ADGRB3: variants seen among roughly 807,000 people sequenced by gnomAD.
The protein encoded by ADGRB3 is brain-specific angiogenesis inhibitor 3.
Under a neutral mutation model 193.4 loss-of-function variants are expected in ADGRB3, and 37 were observed. The ratio of observed to expected loss-of-function variants is 0.19; its 90% CI spans 0.15 to 0.25. The LOEUF (loss-of-function observed/expected upper bound fraction) is 0.25, where lower values mean the gene tolerates loss of function less well. Among genes scored for constraint, ADGRB3 ranks in the 10% least tolerant of loss-of-function variants. The probability of loss-of-function intolerance (pLI) is 1.00; values close to 1 mark genes in which losing one functional copy is unlikely to be tolerated. For synonymous variants in ADGRB3, 690 were observed against 644.2 expected, an observed-to-expected ratio of 1.07 and a Z score of -1.08; for missense variants, 1,637 against 1,852.9, an observed-to-expected ratio of 0.88 and a Z score of 2.14.
At position 69,189,903 on chromosome 6, in the gene ADGRB3, A is replaced by T. The variant is rs148739548; in HGVS notation, c.2481-43387A>T. On this transcript the variant is annotated intron_variant, in intron 17 of 31. Coordinates refer to ENST00000370598, the MANE Select transcript of ADGRB3 (RefSeq NM_001704.3). ...ACTACATATACAATGGTGGCCTAGT[A>T]ATATTATAATAGAGCTAAAAAATCC... is the stretch of plus-strand genomic sequence containing the variant. Among the ~76,000 whole-genome samples the T allele has an allele frequency of 7.5e-4, 114 of 152,296 alleles. 1 individual carries two copies. In the East Asian group the frequency reaches 0.02, roughly 27 times the overall value.
chr6:68,965,212 T>C (rs1157910555), intron 8 of ADGRB3, among the ~76,000 whole-genome samples: 1 of 152,220 alleles, frequency 6.6e-6, no homozygotes. Context: ...AGGAATGCTG[T>C]TATGAAACAC....
At chr6:68,974,237 T>C (rs1768673504) in intron 8 of ADGRB3, among the ~76,000 whole-genome samples, 1 of 152,170 alleles carries the variant, frequency 6.6e-6, no homozygotes, top group African/African-American at 2.4e-5. Context: ...CTATAAATAG[T>C]CTACACAGTA....
chr6:68,800,722 A>C (rs1178631183), intron 3 of ADGRB3, among the ~76,000 whole-genome samples: 2 of 151,586 alleles, frequency 1.3e-5, no homozygotes, highest in Admixed American at 1.3e-4. Flanking sequence ...GGGTTTTAAA[A>C]ATTAACAGCA....
chr6:68,839,008 T>A (rs1050606252), intron 3 of ADGRB3, among the ~76,000 whole-genome samples: 33 of 152,180 alleles, frequency 2.2e-4, no homozygotes, highest in African/African-American at 7.5e-4. Flanking sequence ...TTACATGACC[T>A]GAGAGGAACA....
intron 4 of ADGRB3, 49 bp from the exon 5 acceptor site, chr6:68,936,470 A>G (rs1767488591): frequency 6.4e-7 from 1 of 1,565,766 alleles, no homozygotes; most frequent in Non-Finnish European, 8.7e-7. Context: ...TGCTTACTAG[A>G]TGAATACTTA....
chr6:68,965,656 G>A (rs1293605133), intron 8 of ADGRB3, among the ~76,000 whole-genome samples: 1 of 151,996 alleles, frequency 6.6e-6, no homozygotes, highest in Non-Finnish European at 1.5e-5. Flanking sequence ...TACTTTAAGG[G>A]GCATGCTAAC....
intron 3 of ADGRB3, among the ~76,000 whole-genome samples, chr6:68,649,967 C>G (rs1265290205): frequency 6.6e-6 from 1 of 152,164 alleles, no homozygotes; most frequent in Non-Finnish European, 1.5e-5. Context: ...GGGCACTGAA[C>G]TATCTTTCCT....
At chr6:69,305,717 G>C (rs1768054615) in intron 20 of ADGRB3, among the ~76,000 whole-genome samples, 3 of 151,198 alleles carry the variant, frequency 2.0e-5, no homozygotes, top group African/African-American at 7.3e-5. Context: ...TCAGGCTCAT[G>C]GAAATAATCC....
intron 3 of ADGRB3, among the ~76,000 whole-genome samples, chr6:68,749,652 T>C (rs2127346450): frequency 6.6e-6 from 1 of 152,212 alleles, no homozygotes; most frequent in East Asian, 1.9e-4. Flanking sequence ...TAAATCACCA[T>C]AGTTTAATCA....
chr6:69,207,070 G>T (rs1012612786), intron 17 of ADGRB3, among the ~76,000 whole-genome samples: 1 of 152,116 alleles, frequency 6.6e-6, no homozygotes, highest in Non-Finnish European at 1.5e-5. Context: ...GGTCATTCAC[G>T]CCAGCCAACA....
intron 17 of ADGRB3, among the ~76,000 whole-genome samples, chr6:69,126,348 A>G (rs572170967): frequency 6.6e-6 from 1 of 152,256 alleles, no homozygotes; most frequent in African/African-American, 2.4e-5. Context: ...AGGTCTTGCA[A>G]CAGGCCATCT....
chr6:69,226,914 G>T (rs1048380562), intron 17 of ADGRB3, among the ~76,000 whole-genome samples: 4 of 152,192 alleles, frequency 2.6e-5, no homozygotes, highest in Non-Finnish European at 5.9e-5. Context: ...TGAGGCTTAG[G>T]CTAACAAGTC....
chr6:68,905,579 A>G (rs990913697), intron 3 of ADGRB3, among the ~76,000 whole-genome samples: 1 of 152,132 alleles, frequency 6.6e-6, no homozygotes, highest in African/African-American at 2.4e-5. Flanking sequence ...TGGTTGGTCA[A>G]GCAGTCAATT....
intron 8 of ADGRB3, among the ~76,000 whole-genome samples, chr6:68,957,145 G>GCT (rs1768098404): frequency 6.6e-6 from 1 of 152,190 alleles, no homozygotes; most frequent in Non-Finnish European, 1.5e-5. Context: ...CTCTGACCTT[G>GCT]ATGTGTGACC....
intron 3 of ADGRB3, among the ~76,000 whole-genome samples, chr6:68,894,076 A>T (rs2150230280): frequency 6.6e-6 from 1 of 152,108 alleles, no homozygotes; most frequent in East Asian, 1.9e-4. Flanking sequence ...CCAAATGTAG[A>T]TAATCTTATG....
chr6:68,936,977 A>G (rs187042976), intron 5 of ADGRB3, among the ~76,000 whole-genome samples: 1 of 152,318 alleles, frequency 6.6e-6, no homozygotes, highest in East Asian at 1.9e-4. Context: ...TAGATGGTGA[A>G]AATGTTCAAT....
At chr6:68,681,349 G>A (rs1348422484) in intron 3 of ADGRB3, among the ~76,000 whole-genome samples, 7 of 152,220 alleles carry the variant, frequency 4.6e-5, no homozygotes, top group African/African-American at 1.4e-4. Flanking sequence ...TGTAGAGACA[G>A]CATCTCCCTT....
chr6:69,196,495 T>G (rs1197477326), intron 17 of ADGRB3, among the ~76,000 whole-genome samples: 1 of 152,160 alleles, frequency 6.6e-6, no homozygotes, highest in African/African-American at 2.4e-5. Context: ...GATGGCTGCC[T>G]TCTTACTTTA....
rs747520450 is a variant in ADGRB3, at chr6:68,976,462, C to T, written c.1734+1122C>T. 2.2e-4 allele frequency among the ~76,000 whole-genome samples: 33 copies of T among 151,994 alleles called. 1 individual carries two copies. Among genetic ancestry groups the T allele is most frequent in the Admixed American group, 2.0e-4 (3 of 15,254 alleles). ...CCTTGAATAATGTGGCCGTTAGGGGCGCCAACACCCAGGGCAGTCGAAAAT... is the reference window on the plus strand; with the variant it reads ...CCTTGAATAATGTGGCCGTTAGGGGTGCCAACACCCAGGGCAGTCGAAAAT... On this transcript the variant is annotated intron_variant, in intron 10 of 31. Coordinates refer to ENST00000370598, the MANE Select transcript of ADGRB3 (RefSeq NM_001704.3).
Sources: gnomAD v4.1 joint callset for allele counts (sites outside exome capture counted in the v4.1 genomes callset) on GRCh38, gnomAD v4.1.1 for gene constraint, MANE v1.5 for transcripts, NCBI Gene and HGNC (gene_info 2026-07-23, HGNC 2026-07-21) for gene names.